The following EIF4G3 variants were observed in gnomAD, a reference collection of about 807,000 sequenced individuals.
EIF4G3 encodes the protein eukaryotic translation initiation factor 4 gamma 3, also known as eIF-4-gamma 3.
Under a neutral mutation model 186.4 loss-of-function variants are expected in EIF4G3, and 34 were observed. The ratio of observed to expected loss-of-function variants is 0.18; its 90% CI spans 0.14 to 0.24. The LOEUF (loss-of-function observed/expected upper bound fraction) is 0.24, where lower values mean the gene tolerates loss of function less well. EIF4G3 is among the 10% of genes least tolerant of loss of function. The pLI, the probability that EIF4G3 is intolerant of heterozygous loss-of-function variation, is 1.00. For missense variants in EIF4G3, 1,536 were observed against 1,948.5 expected (o/e 0.79, Z 3.99); for synonymous variants, 673 against 679.5 (o/e 0.99, Z 0.15).
At chr1:21,102,368 A>G (rs2096543875) in intron 2 of EIF4G3, among the ~76,000 whole-genome samples, 1 of 152,238 alleles carries the variant, frequency 6.6e-6, no homozygotes, top group African/African-American at 2.4e-5. Context: ...TACCTAATAA[A>G]ACAATTTTCC....
intron 2 of EIF4G3, among the ~76,000 whole-genome samples, chr1:21,162,287 C>T (rs548773292): frequency 6.6e-6 from 1 of 152,086 alleles, no homozygotes; most frequent in East Asian, 1.9e-4. Flanking sequence ...CCCGTCTCTA[C>T]TAAAAATACA....
intron 7 of EIF4G3, among the ~76,000 whole-genome samples, chr1:20,986,915 G>A (rs538405720): frequency 7.6e-4 from 115 of 152,082 alleles, no homozygotes; most frequent in Non-Finnish European, 1.3e-3. Flanking sequence ...ATCTTTCAAG[G>A]ATTTATTATT....
intron 8 of EIF4G3, among the ~76,000 whole-genome samples, chr1:20,981,656 C>CATAT (rs1333192156): frequency 7.8e-6 from 1 of 127,646 alleles, no homozygotes; most frequent in Admixed American, 8.0e-5. Context: ...TGTATACATA[C>CATAT]ATGTATACGC....
At chr1:20,836,029 CAA>C (rs773198352) in intron 30 of EIF4G3, among the ~76,000 whole-genome samples, 2 of 152,024 alleles carry the variant, frequency 1.3e-5, no homozygotes, top group Non-Finnish European at 2.9e-5. Flanking sequence ...CAAATTCTTC[CAA>C]AAAATTGAAG....
At chr1:21,121,183 C>T (rs2102355010) in intron 2 of EIF4G3, among the ~76,000 whole-genome samples, 1 of 152,268 alleles carries the variant, frequency 6.6e-6, no homozygotes, top group African/African-American at 2.4e-5. Flanking sequence ...GTGTGAGCCA[C>T]CACACCCAGT....
intron 10 of EIF4G3, among the ~76,000 whole-genome samples, chr1:20,979,932 A>G (rs528360327): frequency 6.6e-6 from 1 of 152,166 alleles, no homozygotes; most frequent in East Asian, 1.9e-4. Context: ...TTGTATTTTT[A>G]GTAGAGACGG....
chr1:21,091,764 G>A (rs2096211293), intron 2 of EIF4G3, among the ~76,000 whole-genome samples: 1 of 152,068 alleles, frequency 6.6e-6, no homozygotes, highest in Admixed American at 6.6e-5. Flanking sequence ...ATAGTGAATG[G>A]GAGTTTACTC....
At chr1:20,951,846 A>G (rs1389405158) in intron 12 of EIF4G3, among the ~76,000 whole-genome samples, 1 of 152,218 alleles carries the variant, frequency 6.6e-6, no homozygotes, top group East Asian at 1.9e-4. Flanking sequence ...ACTAGAGTCA[A>G]TGATTTTTCC....
chr1:20,900,017 C>T lies in EIF4G3; in HGVS notation c.1753-74G>A, dbSNP rs928992645. On this transcript the variant is annotated intron_variant, in intron 15 of 36. Transcript: ENST00000602326. ...ATATACATAAAAACCTACATCTACT[C>T]CCTTCAAAAAGCAAAGGAAAACATG... 2.9e-5 allele frequency: 42 copies of T among 1,434,512 alleles called. No homozygotes were observed. In the African/African-American group the frequency reaches 5.3e-4, roughly 18 times the overall value. 88.9% of individuals were successfully genotyped at this position (1,434,512 alleles called of 1,614,324 possible).
At chr1:20,874,583 C>G (rs1375583236) in intron 20 of EIF4G3, among the ~76,000 whole-genome samples, 1 of 152,030 alleles carries the variant, frequency 6.6e-6, no homozygotes, top group Non-Finnish European at 1.5e-5. Context: ...TACTGATTTG[C>G]TTCTTTTTCT....
intron 4 of EIF4G3, among the ~76,000 whole-genome samples, chr1:21,023,405 ATTGCAGGC>A: frequency 7.0e-6 from 1 of 143,708 alleles, no homozygotes; most frequent in Non-Finnish European, 1.5e-5. Context: ...AGTGCCTGCG[ATTGCAGGC>A]ACGCGCCGCC....
intron 3 of EIF4G3, among the ~76,000 whole-genome samples, chr1:21,067,324 G>T (rs2154579573): frequency 6.6e-6 from 1 of 151,890 alleles, no homozygotes; most frequent in African/African-American, 2.4e-5. Context: ...GTAGAGACGG[G>T]TTTTCACCGT....
intron 14 of EIF4G3, among the ~76,000 whole-genome samples, chr1:20,926,644 G>A (rs1450465652): frequency 6.7e-6 from 1 of 149,576 alleles, no homozygotes; most frequent in African/African-American, 2.5e-5. Flanking sequence ...TCTAGTCTGG[G>A]TGACAGAGCA....
intron 2 of EIF4G3, among the ~76,000 whole-genome samples, chr1:21,143,863 C>CA (rs2097386541): frequency 6.6e-6 from 1 of 151,952 alleles, no homozygotes; most frequent in South Asian, 2.1e-4. Context: ...TGGAGGCTGC[C>CA]ATAAGTCAAG....
At chr1:21,047,458 C>T (rs948812556) in intron 4 of EIF4G3, among the ~76,000 whole-genome samples, 6 of 152,196 alleles carry the variant, frequency 3.9e-5, no homozygotes, top group African/African-American at 1.4e-4. Flanking sequence ...TCCTCACCTT[C>T]CCGCCACCTC....
At chr1:20,866,944 C>T (rs1235251129) in intron 20 of EIF4G3, among the ~76,000 whole-genome samples, 1 of 152,168 alleles carries the variant, frequency 6.6e-6, no homozygotes, top group African/African-American at 2.4e-5. Flanking sequence ...CACAATCTAT[C>T]ATCTCTAAAG....
At chr1:20,924,199 A>C (rs1188531258) in intron 14 of EIF4G3, among the ~76,000 whole-genome samples, 1 of 152,200 alleles carries the variant, frequency 6.6e-6, no homozygotes, top group Admixed American at 6.5e-5. Flanking sequence ...GACATTTTAG[A>C]GAAGATCTAG....
At chr1:20,875,920 G>A (rs1361215570) in intron 20 of EIF4G3, among the ~76,000 whole-genome samples, 3 of 151,776 alleles carry the variant, frequency 2.0e-5, no homozygotes, top group Admixed American at 2.0e-4. Flanking sequence ...GAAAGGGAAG[G>A]GGAAGGAAAA....
intron 30 of EIF4G3, among the ~76,000 whole-genome samples, chr1:20,830,457 T>C (rs2064832525): frequency 6.6e-6 from 1 of 152,210 alleles, no homozygotes; most frequent in Admixed American, 6.5e-5. Flanking sequence ...TGTCAAATAA[T>C]TGCAGGTTCT....
Sources: allele counts gnomAD v4.1 joint callset (sites outside exome capture counted in the v4.1 genomes callset), GRCh38; gene constraint gnomAD v4.1.1; transcripts MANE v1.5; gene names NCBI Gene and HGNC (gene_info 2026-07-23, HGNC 2026-07-21).